The following METTL15 variants were observed in gnomAD, a reference collection of about 807,000 sequenced individuals.
The protein encoded by METTL15 is 12S rRNA N(4)-cytidine methyltransferase METTL15.
METTL15 carries 34 observed loss-of-function variants against 38.3 expected under a neutral mutation model. The observed-to-expected ratio is 0.89, with a 90% CI of 0.68 to 1.18. METTL15 has a LOEUF of 1.18. Among genes scored for constraint, METTL15 ranks in the 50% most tolerant of loss-of-function variants. The pLI, the probability that METTL15 is intolerant of heterozygous loss-of-function variation, is 0.00. For synonymous variants in METTL15, 162 were observed against 170.9 expected (o/e 0.95, Z 0.41); for missense variants, 438 against 498.4 (o/e 0.88, Z 1.15).
At chr11:28,472,979 G>A (rs1851315220) in intron 6 of METTL15, among the ~76,000 whole-genome samples, 1 of 152,130 alleles carries the variant, frequency 6.6e-6, no homozygotes, top group South Asian at 2.1e-4. Flanking sequence ...TGGAAGATCA[G>A]AGTCTGGTAC....
chr11:28,163,588 T>C (rs1777879255), intron 3 of METTL15: 1 of 395,728 alleles, frequency 2.5e-6, no homozygotes, highest in Non-Finnish European at 4.5e-6. Context: ...GAATACACAA[T>C]CAAATGTATT....
chr11:28,119,247 A>G (rs969113645), intron 3 of METTL15, among the ~76,000 whole-genome samples: 2 of 152,214 alleles, frequency 1.3e-5, no homozygotes, highest in South Asian at 2.1e-4. Flanking sequence ...ATTGCCCTCC[A>G]TGAAGCCATG....
At chr11:28,154,388 C>T (rs887479079) in intron 3 of METTL15, among the ~76,000 whole-genome samples, 32 of 151,956 alleles carry the variant, frequency 2.1e-4, no homozygotes, top group South Asian at 2.1e-4. Flanking sequence ...TTGCCATGAA[C>T]GTGTTCTGTA....
intron 6 of METTL15, among the ~76,000 whole-genome samples, chr11:28,323,553 G>C (rs983633034): frequency 2.0e-5 from 3 of 152,166 alleles, no homozygotes; most frequent in Non-Finnish European, 4.4e-5. Context: ...CTAAGTACAG[G>C]TCAAAGGACT....
intron 3 of METTL15, among the ~76,000 whole-genome samples, chr11:28,208,608 T>G: frequency 6.6e-6 from 1 of 152,204 alleles, no homozygotes; most frequent in Non-Finnish European, 1.5e-5. Context: ...TGGAGAGTTC[T>G]GTAGATGTCT....
At chr11:28,519,160 T>C (rs1052210941) in intron 6 of METTL15, 1 of 152,234 alleles carries the variant, frequency 6.6e-6, no homozygotes, top group Non-Finnish European at 1.5e-5. Context: ...GTGGATGAAA[T>C]TCACCTGAGA....
intron 3 of METTL15, among the ~76,000 whole-genome samples, chr11:28,200,990 G>T (rs1213651035): frequency 1.3e-5 from 2 of 152,032 alleles, no homozygotes; most frequent in East Asian, 3.9e-4. Flanking sequence ...TCTTGTACTG[G>T]TTTTCAAAGG....
chr11:28,501,562 T>C (rs555356958), intron 6 of METTL15, among the ~76,000 whole-genome samples: 84 of 152,290 alleles, frequency 5.5e-4, no homozygotes, highest in African/African-American at 1.8e-3. Context: ...GAGGTTACAA[T>C]TGGCTTTTGG....
At chr11:28,193,610 AC>A (rs903772192) in intron 3 of METTL15, among the ~76,000 whole-genome samples, 8 of 151,838 alleles carry the variant, frequency 5.3e-5, no homozygotes, top group African/African-American at 1.9e-4. Context: ...ATCACCTTCC[AC>A]CCCCATTCCA....
At chr11:28,329,273 T>A (rs757874111) in intron 6 of METTL15, among the ~76,000 whole-genome samples, 1 of 152,136 alleles carries the variant, frequency 6.6e-6, no homozygotes, top group Non-Finnish European at 1.5e-5. Context: ...AGGTATGGGT[T>A]TATTTCTTGA....
At chr11:28,520,395 G>C (rs1305524618) in intron 6 of METTL15, among the ~76,000 whole-genome samples, 2 of 152,104 alleles carry the variant, frequency 1.3e-5, no homozygotes, top group East Asian at 1.9e-4. Context: ...AAACTAGAAG[G>C]GAACTGGGTA....
chr11:28,463,531 TAAAG>T (rs1851232692), intron 6 of METTL15, among the ~76,000 whole-genome samples: 1 of 152,072 alleles, frequency 6.6e-6, no homozygotes, highest in Admixed American at 6.6e-5. Flanking sequence ...AACCTTATAT[TAAAG>T]AAGGAAAAAA....
In METTL15 at chr11:28,360,360, T is replaced by G. The variant is rs552661432; in HGVS notation, c.*259-1577T>G. 5.9e-5 allele frequency among the ~76,000 whole-genome samples: 9 copies of G among 152,216 alleles called. No individual in the cohort carries two copies. In the South Asian group the frequency reaches 6.2e-4, roughly 11 times the overall value. On this transcript the variant is annotated intron_variant and NMD_transcript_variant, in intron 4 of 7. Coordinates refer to the METTL15 transcript ENST00000532947. The stretch of plus-strand genomic sequence containing the variant: ...AGGTTTAAAAACAGGGCCCAAGATG[T>G]GCCAAGCAGATTCTTCTTCCGAATC...
chr11:28,366,506 G>A (rs778271344), intron 5 of METTL15, among the ~76,000 whole-genome samples: 8 of 152,070 alleles, frequency 5.3e-5, no homozygotes, highest in Non-Finnish European at 7.4e-5. Flanking sequence ...TTCATTTTCT[G>A]AAGACTACAA....
At chr11:28,495,781 G>C (rs1262292306) in intron 6 of METTL15, among the ~76,000 whole-genome samples, 3 of 133,596 alleles carry the variant, frequency 2.2e-5, no homozygotes, top group Non-Finnish European at 4.9e-5. Flanking sequence ...TTTTTTGATA[G>C]AAAAAAAAAA....
intron 4 of METTL15, among the ~76,000 whole-genome samples, chr11:28,361,654 C>T (rs1850139785): frequency 6.6e-6 from 1 of 152,004 alleles, no homozygotes; most frequent in African/African-American, 2.4e-5. Flanking sequence ...TAATTCTTTT[C>T]TGGGTAGGGG....
chr11:28,161,850 A>G (rs2133743854), intron 3 of METTL15, among the ~76,000 whole-genome samples: 1 of 152,264 alleles, frequency 6.6e-6, no homozygotes, highest in East Asian at 1.9e-4. Context: ...GTGGTTGAAA[A>G]TGAAAATTAC....
intron 3 of METTL15, among the ~76,000 whole-genome samples, chr11:28,173,718 A>C (rs376455943): frequency 6.6e-6 from 1 of 152,180 alleles, no homozygotes; most frequent in African/African-American, 2.4e-5. Context: ...CACATCCAGG[A>C]TATCACACTA....
intron 4 of METTL15, among the ~76,000 whole-genome samples, chr11:28,267,297 G>T (rs1269389072): frequency 6.6e-6 from 1 of 151,500 alleles, no homozygotes. Flanking sequence ...CCTCAAAATT[G>T]CCAGGCATGC....
Sources: allele counts gnomAD v4.1 joint callset (sites outside exome capture counted in the v4.1 genomes callset), GRCh38; gene constraint gnomAD v4.1.1; transcripts MANE v1.5; gene names NCBI Gene and HGNC (gene_info 2026-07-23, HGNC 2026-07-21).